Variants in CARS1 observed in about 807,000 individuals in gnomAD.
CARS1 encodes cysteinyl-tRNA synthetase 1.
In CARS1, 48 loss-of-function variants were observed where a neutral mutation model predicts 106.2. The ratio of observed to expected loss-of-function variants is 0.45; its 90% CI spans 0.36 to 0.57. The LOEUF is 0.57. Ranked by LOEUF, CARS1 falls within the 20% of genes least tolerant of loss-of-function variation. The probability of loss-of-function intolerance (pLI) is 0.00; values close to 1 mark genes in which losing one functional copy is unlikely to be tolerated. For missense variants in CARS1, 968 were observed against 1,057.2 expected, an observed-to-expected ratio of 0.92 and a Z score of 1.17; for synonymous variants, 409 against 403.4, an observed-to-expected ratio of 1.01 and a Z score of -0.17.
intron 2 of CARS1, among the ~76,000 whole-genome samples, chr11:3,042,762 A>C (rs1196739652): frequency 6.6e-6 from 1 of 152,164 alleles, no homozygotes; most frequent in African/African-American, 2.4e-5. Flanking sequence ...TCCCCCACCC[A>C]GGATCCCTCA....
rs1270146853 is a variant in CARS1, at chr11:3,021,730, C to T, written c.1154-1398G>A. On this transcript the variant is annotated intron_variant, in intron 10 of 22. Coordinates refer to ENST00000380525, the MANE Select transcript of CARS1 (RefSeq NM_001014437.3). The surrounding 1 kb of genome is among the most constrained non-coding windows in gnomAD (Gnocchi z 5.3). ...ATTAAAAAACAAACACACAAAAACA[C>T]AAAAAACCTCTGCAAGCAAAATCCA... Among the ~76,000 whole-genome samples, 7 of 152,164 alleles carry T rather than the reference C, an allele frequency of 4.6e-5. No homozygotes were observed. Among genetic ancestry groups the T allele is most frequent in the Admixed American group, 4.6e-4 (7 of 15,274 alleles).
rs1852096203 is a variant in CARS1, at chr11:3,026,556, GC to G, written c.1153+119del. The G allele has an allele frequency of 2.9e-6, 3 of 1,024,426 alleles. No homozygotes were observed. In the African/African-American group the frequency reaches 4.8e-5, roughly 16 times the overall value. 63.5% of individuals were successfully genotyped at this position (1,024,426 alleles called of 1,614,324 possible). On this transcript the variant is annotated intron_variant, in intron 10 of 22. Transcript: ENST00000380525. Reference sequence around the variant, plus strand: ...TCCTAAAATTCCTTCAGGTGAAAAAGCACTGTTCCCAAGAGTCTGAGGGGTG... The same window carrying G: ...TCCTAAAATTCCTTCAGGTGAAAAAGACTGTTCCCAAGAGTCTGAGGGGTG...
intron 16 of CARS1, among the ~76,000 whole-genome samples, chr11:3,016,734 C>T (rs1008576441): frequency 2.0e-5 from 3 of 152,148 alleles, no homozygotes; most frequent in Admixed American, 1.3e-4. Flanking sequence ...TCACCTCAGC[C>T]TCCCAAGCAG....
rs105686 is a variant in CARS1 at position 3,041,237 on chromosome 11, G to A, written c.367-253C>T. ...GGGTTCTACTCATCTATGGAGGGAGGCGATAAAGGGAATCAATGATTTTAT... is the reference window on the plus strand; with the variant it reads ...GGGTTCTACTCATCTATGGAGGGAGACGATAAAGGGAATCAATGATTTTAT... On this transcript the variant is annotated intron_variant, in intron 3 of 22. Transcript: ENST00000380525. This position sits in a 1 kb window ranked among gnomAD's most constrained non-coding sequence, Gnocchi z 4.9. The A allele has an allele frequency of 0.38, 187,636 of 491,370 alleles. 40,550 individuals are homozygous for A. Among genetic ancestry groups the A allele is most frequent in the East Asian group, 0.67 (19,027 of 28,238 alleles). The allele number at this position is 491,370 out of a possible 1,614,324, so 30.4% of individuals were successfully genotyped here.
chr11:3,035,409 A>C (rs1853487501), intron 7 of CARS1, among the ~76,000 whole-genome samples: 1 of 152,256 alleles, frequency 6.6e-6, no homozygotes, highest in Non-Finnish European at 1.5e-5. Context: ...AGAATCCAAC[A>C]ATACAAATGC....
chr11:3,006,808 C>G, intron 19 of CARS1, 71 bp downstream of exon 19: 1 of 1,217,092 alleles, frequency 8.2e-7, no homozygotes, highest in Admixed American at 1.7e-5. Flanking sequence ...CAGCCCAGCC[C>G]CGGGAGCTCT....
intron 2 of CARS1, among the ~76,000 whole-genome samples, chr11:3,047,318 T>C (rs937551501): frequency 6.6e-6 from 1 of 151,470 alleles, no homozygotes; most frequent in African/African-American, 2.4e-5. Context: ...ATTAATACTT[T>C]AGGATTCAAC....
chr11:3,015,930 C>T (rs1238710275), intron 16 of CARS1, 81 bp from the exon 17 acceptor site: 36 of 1,202,318 alleles, frequency 3.0e-5, no homozygotes, highest in South Asian at 2.4e-5. Flanking sequence ...CTGTGTTCCT[C>T]GTTCACGGGA....
intron 10 of CARS1, among the ~76,000 whole-genome samples, chr11:3,025,274 C>A (rs1030682995): frequency 6.6e-6 from 1 of 152,218 alleles, no homozygotes; most frequent in Non-Finnish European, 1.5e-5. Flanking sequence ...GTCACCCAGG[C>A]TGGAGTGCAG....
intron 18 of CARS1, among the ~76,000 whole-genome samples, chr11:3,011,512 G>T (rs1292958821): frequency 6.6e-6 from 1 of 152,150 alleles, no homozygotes; most frequent in Non-Finnish European, 1.5e-5. Flanking sequence ...TACTCAGGAG[G>T]CTGAGGCAGA....
chr11:3,043,299 C>A lies in CARS1; in HGVS notation c.275-1043G>T, dbSNP rs1283695314. On this transcript the variant is annotated intron_variant, in intron 2 of 22. Transcript: ENST00000380525. The surrounding 1 kb of genome is among the most constrained non-coding windows in gnomAD (Gnocchi z 4.0). ...GGGCAGCCACAGGGTGATTATTCAC[C>A]CTCTGAAACGTCAATCTGGCAAAGC... is the stretch of plus-strand genomic sequence containing the variant. Among the ~76,000 whole-genome samples, 1 of 152,018 alleles carries A rather than the reference C, an allele frequency of 6.6e-6. No individual in the cohort carries two copies. Among genetic ancestry groups the A allele is most frequent in the East Asian group, 1.9e-4 (1 of 5,172 alleles).
Position 3,043,865 on chromosome 11 carries a change from G to C in CARS1, c.275-1609C>G. Among the ~76,000 whole-genome samples, 1 of 152,168 alleles carries C rather than the reference G, an allele frequency of 6.6e-6. No individual in the cohort carries two copies. Among genetic ancestry groups the C allele is most frequent in the Admixed American group, 6.5e-5 (1 of 15,276 alleles). ...GGTGGGAGATGGGGCAGGAGACGGA[G>C]AGAGGGCCAGTGCTCAGCAGGAGCC... On this transcript the variant is annotated intron_variant, in intron 2 of 22. Coordinates refer to ENST00000380525, the MANE Select transcript of CARS1 (RefSeq NM_001014437.3). The surrounding 1 kb of genome is among the most constrained non-coding windows in gnomAD (Gnocchi z 4.0).
At position 3,038,018 on chromosome 11, in the gene CARS1, A is replaced by C. The variant is rs1367990100; in HGVS notation, c.801+32T>G. 6.3e-7 allele frequency: 1 copy of C among 1,597,602 alleles called. No individual in the cohort carries two copies. Among genetic ancestry groups the C allele is most frequent in the East Asian group, 2.2e-5 (1 of 44,494 alleles). ...ATGCACGGCCCGACATTTGACCCGA[A>C]CGGGCTGTCTGGGAGATGTGTGAAG... On this transcript the variant is annotated intron_variant, in intron 7 of 22. Transcript: ENST00000380525. The surrounding 1 kb of genome is among the most constrained non-coding windows in gnomAD (Gnocchi z 4.0).
chr11:3,048,078 G>T lies in CARS1; in HGVS notation c.26-77C>A. ...GGCCGCCAGAAAGACAGGGACTAGGGGATGGCACAGAACCAAGGAAAAAGG... is the reference window on the plus strand; with the variant it reads ...GGCCGCCAGAAAGACAGGGACTAGGTGATGGCACAGAACCAAGGAAAAAGG... On this transcript the variant is annotated intron_variant, in intron 1 of 22. Transcript: ENST00000380525. The surrounding 1 kb of genome is among the most constrained non-coding windows in gnomAD (Gnocchi z 5.1). The T allele has an allele frequency of 1.9e-6, 3 of 1,550,026 alleles. No homozygotes were observed. Among genetic ancestry groups the T allele is most frequent in the Non-Finnish European group, 2.6e-6 (3 of 1,141,438 alleles).
chr11:3,057,215 A>G, intron 1 of CARS1, 128 bp downstream of exon 1: 1 of 782,652 alleles, frequency 1.3e-6, no homozygotes, highest in Non-Finnish European at 2.1e-6. Flanking sequence ...GACCACGGAC[A>G]CAGCTGCCCC....
chr11:3,016,512 A>C lies in CARS1; in HGVS notation c.1917+594T>G, dbSNP rs34796455. 4.8e-3 allele frequency among the ~76,000 whole-genome samples: 731 copies of C among 152,204 alleles called. 7 individuals carry two copies. The highest frequency in any genetic ancestry group is 0.017 in the Middle Eastern group (5 of 294). ...TGCTGGGATTACAGGCGTGAGCCAC[A>C]GCGCCTGGCGTGGTTTTGCTTTTCA... On this transcript the variant is annotated intron_variant, in intron 16 of 22. Coordinates refer to ENST00000380525, the MANE Select transcript of CARS1 (RefSeq NM_001014437.3).
rs571792080 is a variant in CARS1 at position 3,045,552 on chromosome 11, C to T, written c.274+2201G>A. Reference sequence around the variant, plus strand: ...GTGCTGGGATTACAGGAGTGAGCCACCGCGCCGGGCCAAGCAGAGTCTTTC... The same window carrying T: ...GTGCTGGGATTACAGGAGTGAGCCATCGCGCCGGGCCAAGCAGAGTCTTTC... On this transcript the variant is annotated intron_variant, in intron 2 of 22. Coordinates refer to ENST00000380525, the MANE Select transcript of CARS1 (RefSeq NM_001014437.3). The surrounding 1 kb of genome is among the most constrained non-coding windows in gnomAD (Gnocchi z 5.6). Among the ~76,000 whole-genome samples the T allele has an allele frequency of 6.6e-6, 1 of 152,196 alleles. No homozygotes were observed. Among genetic ancestry groups the T allele is most frequent in the African/African-American group, 2.4e-5 (1 of 41,452 alleles).
In CARS1 at chr11:3,038,054, A is replaced by G; in HGVS notation, c.797T>C (p.Val266Ala). 2 of 1,612,824 alleles carry G rather than the reference A, an allele frequency of 1.2e-6. No homozygotes were observed. Among genetic ancestry groups the G allele is most frequent in the South Asian group, 1.1e-5 (1 of 91,058 alleles). Reference protein sequence around the residue: ...RLTGEEVNSCVEVLLEEAKDL... With the variant: ...RLTGEEVNSCAEVLLEEAKDL... The stretch of plus-strand genomic sequence containing the variant: ...GGGAGATGTGTGAAGCCTCACCTCC[A>G]CACAGCTGTTGACTTCCTCTCCCGT... The change falls in exon 7 of 23, where the codon GTG (valine) becomes GCG (alanine). Residue 266 changes from valine (V) to alanine (A), a missense_variant. Coordinates refer to ENST00000380525, the MANE Select transcript of CARS1 (RefSeq NM_001014437.3). The surrounding 1 kb of genome is among the most constrained non-coding windows in gnomAD (Gnocchi z 4.0).
At chr11:3,042,874 C>A (rs1854663006) in intron 2 of CARS1, among the ~76,000 whole-genome samples, 1 of 152,326 alleles carries the variant, frequency 6.6e-6, no homozygotes, top group East Asian at 1.9e-4. Context: ...CAGAAAGGAC[C>A]CCCTGTGGCC....
Sources: gnomAD v4.1 joint callset for allele counts (sites outside exome capture counted in the v4.1 genomes callset) on GRCh38, gnomAD v4.1.1 for gene constraint, Gnocchi (gnomAD v3.1) non-coding constraint, MANE v1.5 for transcripts, NCBI Gene and HGNC (gene_info 2026-07-23, HGNC 2026-07-21) for gene names.